The following LNX1 variants were observed in gnomAD, a reference collection of about 807,000 sequenced individuals.
LNX1 encodes the protein ligand of numb-protein X 1.
Under a neutral mutation model 68.4 loss-of-function variants are expected in LNX1, and 54 were observed. The ratio of observed to expected loss-of-function variants is 0.79; its 90% confidence interval spans 0.63 to 0.99. The LOEUF (loss-of-function observed/expected upper bound fraction) is 0.99. Ranked by LOEUF, LNX1 falls within the 50% of genes least tolerant of loss-of-function variation. LNX1 has a pLI of 0.00. For missense variants in LNX1, 906 were observed against 926.4 expected (o/e 0.98, Z 0.29); for synonymous variants, 336 against 350.0 (o/e 0.96, Z 0.45).
chr4:53,547,253 G>A (rs1729177541), intron 2 of LNX1, among the ~76,000 whole-genome samples: 1 of 152,172 alleles, frequency 6.6e-6, no homozygotes, highest in Non-Finnish European at 1.5e-5. Context: ...GTATGTCTTA[G>A]AATTGATGAA....
At chr4:53,576,413 G>T in intron 1 of LNX1, 1 of 1,500,718 alleles carries the variant, frequency 6.7e-7, no homozygotes, top group Non-Finnish European at 8.9e-7. Flanking sequence ...GTCCTATTCA[G>T]GTCAGGCTTG....
At position 53,508,221 on chromosome 4, in the gene LNX1, T is replaced by C. The variant is rs143659476; in HGVS notation, c.387A>G (p.Lys129=). The C allele has an allele frequency of 3.5e-5, 56 of 1,613,274 alleles. No homozygotes were observed. The African/African-American group carries it at 6.3e-4, about 18-fold the overall frequency. Residue 129 remains lysine, a synonymous_variant, in exon 3 of 11, where the codon AAA becomes AAG. Coordinates refer to ENST00000263925, the MANE Select transcript of LNX1 (RefSeq NM_001126328.3). ...DLEHHFQTSC[K]GASHYGLTKD... ...TGGTCAGGCCGTAGTGGGAGGCACC[T>C]TTACAGCTGTAACAGAACCAGCGGG...
chr4:53,461,141 C>A lies in LNX1; in HGVS notation c.2052-99G>T, dbSNP rs1722014565. The A allele has an allele frequency of 2.9e-5, 29 of 984,982 alleles. No individual in the cohort carries two copies. The South Asian group carries it at 5.0e-4, about 17-fold the overall frequency. 61.0% of individuals were successfully genotyped at this position (984,982 alleles called of 1,614,324 possible). On this transcript the variant is annotated intron_variant, in intron 10 of 10. Transcript: ENST00000263925. ...TGGTGCTAGATTTTGCTACATCTGA[C>A]CATTTTAATTATGTTAACTTCTAAT...
intron 1 of LNX1, chr4:53,575,943 G>A: frequency 1.3e-6 from 2 of 1,566,426 alleles, no homozygotes; most frequent in Non-Finnish European, 1.7e-6. Flanking sequence ...GCACCAACCT[G>A]CCGCAGGAGT....
chr4:53,468,071 A>G (rs1259504174), intron 9 of LNX1, among the ~76,000 whole-genome samples: 2 of 152,228 alleles, frequency 1.3e-5, no homozygotes, highest in Non-Finnish European at 2.9e-5. Context: ...GAAGGAAAAA[A>G]TGTTCAGGGC....
intron 1 of LNX1, among the ~76,000 whole-genome samples, chr4:53,583,434 G>C (rs17717891): frequency 1.1e-4 from 16 of 152,128 alleles, no homozygotes; most frequent in Non-Finnish European, 2.1e-4. Flanking sequence ...CAAGGTCGTG[G>C]TTAGCTCTGC....
chr4:53,613,428 T>C (rs1375235308), intron 2 of LNX1, among the ~76,000 whole-genome samples: 2 of 151,848 alleles, frequency 1.3e-5, no homozygotes, highest in African/African-American at 2.4e-5. Flanking sequence ...TGTCATGGGG[T>C]TTAGTTGTAC....
At chr4:53,530,432 A>C (rs762043146) in intron 2 of LNX1, among the ~76,000 whole-genome samples, 2 of 152,220 alleles carry the variant, frequency 1.3e-5, no homozygotes, top group Non-Finnish European at 2.9e-5. Flanking sequence ...TAATTAAAGA[A>C]GTGCAACATT....
chr4:53,517,097 A>C (rs1262792351), intron 2 of LNX1, among the ~76,000 whole-genome samples: 1 of 152,178 alleles, frequency 6.6e-6, no homozygotes, highest in Non-Finnish European at 1.5e-5. Context: ...TGCAAAGAGC[A>C]CTGGCGGACA....
chr4:53,557,900 G>T, intron 2 of LNX1: 2 of 1,613,434 alleles, frequency 1.2e-6, no homozygotes, highest in Non-Finnish European at 1.7e-6. Context: ...AGTGCAGGTT[G>T]CCCACATTGT....
intron 2 of LNX1, among the ~76,000 whole-genome samples, chr4:53,566,231 T>G (rs1418155350): frequency 6.6e-6 from 1 of 151,328 alleles, no homozygotes; most frequent in African/African-American, 2.4e-5. Flanking sequence ...GGAAAAAATG[T>G]TAAGGGCAGC....
intron 1 of LNX1, among the ~76,000 whole-genome samples, chr4:53,577,560 C>T (rs1322377638): frequency 1.3e-5 from 2 of 152,100 alleles, no homozygotes; most frequent in East Asian, 3.8e-4. Flanking sequence ...GCTTTGCCCA[C>T]TCCTCCAGCT....
At chr4:53,627,145 G>A (rs2109867212) in intron 1 of LNX1, among the ~76,000 whole-genome samples, 2 of 152,306 alleles carry the variant, frequency 1.3e-5, no homozygotes, top group South Asian at 4.1e-4. Context: ...GCCAGCCTTG[G>A]TCTCACAGGA....
intron 2 of LNX1, among the ~76,000 whole-genome samples, chr4:53,609,755 A>T (rs1340156084): frequency 7.0e-6 from 1 of 143,382 alleles, no homozygotes; most frequent in Non-Finnish European, 1.5e-5. Flanking sequence ...TATTATATAT[A>T]ATATACTATT....
chr4:53,613,472 A>G (rs763811206), intron 2 of LNX1, among the ~76,000 whole-genome samples: 1 of 151,946 alleles, frequency 6.6e-6, no homozygotes, highest in Non-Finnish European at 1.5e-5. Context: ...TAAGCCTAGT[A>G]TCCATATTTG....
At position 53,478,585 on chromosome 4, in the gene LNX1, C is replaced by G. The variant is rs778796565; in HGVS notation, c.1643G>C (p.Arg548Thr). ...TTTACCTGTTTTTATTCTTCCATCTCTGCTTATGACTCCTCCGGGCTCAAC... is the reference window on the plus strand; with the variant it reads ...TTTACCTGTTTTTATTCTTCCATCTGTGCTTATGACTCCTCCGGGCTCAAC... ...ISVEPGGVIS[R>T]DGRIKTGDIL... The change falls in exon 8 of 11, where the codon AGA becomes ACA. Residue 548 changes from arginine to threonine, a missense_variant. Physicochemically the swap from Arg to Thr is moderately conservative, Grantham distance 71 (BLOSUM62 -1). Transcript: ENST00000263925. The G allele has an allele frequency of 1.9e-6, 3 of 1,610,906 alleles. No homozygotes were observed. The African/African-American group carries it at 4.0e-5, about 22-fold the overall frequency.
At chr4:53,638,546 A>G (rs1278741853) in intron 1 of LNX1, among the ~76,000 whole-genome samples, 1 of 152,178 alleles carries the variant, frequency 6.6e-6, no homozygotes, top group Non-Finnish European at 1.5e-5. Context: ...GTCAGCTTTC[A>G]TACTATCAGC....
chr4:53,553,416 G>C (rs112646544), intron 2 of LNX1, among the ~76,000 whole-genome samples: 1 of 152,114 alleles, frequency 6.6e-6, no homozygotes, highest in Admixed American at 6.5e-5. Flanking sequence ...GTTTGATTTA[G>C]AGCCCTCCAA....
rs748702807 is a variant in LNX1, at chr4:53,508,130, G to A, written c.478C>T (p.Pro160Ser). Residue 160 changes from proline (P) to serine (S), a missense_variant, in exon 3 of 11, where the codon CCC becomes TCC. Pro to Ser is a moderately conservative substitution (Grantham distance 74). Coordinates refer to ENST00000263925, the MANE Select transcript of LNX1 (RefSeq NM_001126328.3). ...DGCASLTATA[P>S]SPEVSAAATI... ...GCAGCTGCAGAAACCTCTGGGGAGG[G>A]AGCCGTGGCTGTGAGGCTCGCACAG... The A allele has an allele frequency of 6.2e-7, 1 of 1,614,144 alleles. No individual in the cohort carries two copies. Among genetic ancestry groups the A allele is most frequent in the Non-Finnish European group, 8.5e-7 (1 of 1,180,014 alleles).
Sources: gnomAD v4.1 joint callset for allele counts (sites outside exome capture counted in the v4.1 genomes callset) on GRCh38, gnomAD v4.1.1 for gene constraint, MANE v1.5 for transcripts, NCBI Gene and HGNC (gene_info 2026-07-23, HGNC 2026-07-21) for gene names.